Variants in EIF2S1 observed in about 807,000 individuals in gnomAD.
EIF2S1 encodes eukaryotic translation initiation factor 2 subunit 1.
Under a neutral mutation model 33.5 loss-of-function variants are expected in EIF2S1, and 5 were observed. The ratio of observed to expected loss-of-function variants is 0.15; its 90% CI spans 0.08 to 0.31. The LOEUF (loss-of-function observed/expected upper bound fraction) is 0.31. EIF2S1 is among the 10% of genes least tolerant of loss of function. The probability of loss-of-function intolerance (pLI) is 1.00; values close to 1 mark genes in which losing one functional copy is unlikely to be tolerated. For missense variants in EIF2S1, 191 were observed against 384.6 expected, an observed-to-expected ratio of 0.50 and a Z score of 4.21; for synonymous variants, 99 against 127.5, an observed-to-expected ratio of 0.78 and a Z score of 1.51.
At chr14:67,370,256 A>G (rs1333803535) in intron 2 of EIF2S1, among the ~76,000 whole-genome samples, 1 of 152,210 alleles carries the variant, frequency 6.6e-6, no homozygotes, top group Non-Finnish European at 1.5e-5. Context: ...GACATGTCGC[A>G]GTGCTGCAGA....
In EIF2S1 at chr14:67,383,506, CT is replaced by C. The variant is rs771408253; in HGVS notation, c.*68del. The C allele has an allele frequency of 6.3e-7, 1 of 1,595,402 alleles. No homozygotes were observed. Among genetic ancestry groups the C allele is most frequent in the African/African-American group, 1.3e-5 (1 of 74,576 alleles). ...GCGCTTCCTGGCTGTAAATCCTAGA[CT>C]TGAAAGTTTTCCAGTATTGAAAACT... is the stretch of plus-strand genomic sequence containing the variant. On this transcript the variant is annotated 3_prime_UTR_variant, in exon 8 of 8. Transcript: ENST00000256383.
At chr14:67,374,346 G>A (rs1306846213) in intron 2 of EIF2S1, 122 bp from the exon 3 acceptor site, 29 of 523,512 alleles carry the variant, frequency 5.5e-5, no homozygotes, top group Non-Finnish European at 9.5e-5. Context: ...TTTGTTGATA[G>A]GATTTTAGTA....
At chr14:67,381,286 C>A (rs577953419) in intron 5 of EIF2S1, among the ~76,000 whole-genome samples, 1 of 152,268 alleles carries the variant, frequency 6.6e-6, no homozygotes, top group Admixed American at 6.5e-5. Context: ...CAAATTAGCA[C>A]CCTTATATTA....
chr14:67,367,525 CA>C (rs1566610885), intron 2 of EIF2S1, among the ~76,000 whole-genome samples: 2 of 145,858 alleles, frequency 1.4e-5, no homozygotes, highest in Non-Finnish European at 3.0e-5. Flanking sequence ...CACCACGCCC[CA>C]CCCCATCCAG....
intron 6 of EIF2S1, 83 bp from the exon 7 acceptor site, chr14:67,382,364 C>A: frequency 7.8e-7 from 1 of 1,273,938 alleles, no homozygotes. Context: ...GTTAATACAG[C>A]AGATTAATAA....
At chr14:67,368,272 G>A (rs1049438236) in intron 2 of EIF2S1, among the ~76,000 whole-genome samples, 4 of 152,184 alleles carry the variant, frequency 2.6e-5, no homozygotes, top group Non-Finnish European at 5.9e-5. Context: ...AGACTGCCCT[G>A]CTTGTCTAAT....
intron 2 of EIF2S1, among the ~76,000 whole-genome samples, chr14:67,365,723 A>G (rs192729650): frequency 6.6e-6 from 1 of 152,338 alleles, no homozygotes; most frequent in Admixed American, 6.5e-5. Flanking sequence ...GTTTTAGGTC[A>G]TTAGTTACCA....
rs1474966528 is a variant in EIF2S1, at chr14:67,385,021, A to G, written c.*1581A>G. The G allele has an allele frequency of 2.0e-5, 3 of 152,206 alleles. No homozygotes were observed. Among genetic ancestry groups the G allele is most frequent in the East Asian group, 1.9e-4 (1 of 5,198 alleles). The allele number at this position is 152,206 out of a possible 1,614,324, so 9.4% of individuals were successfully genotyped here. On this transcript the variant is annotated 3_prime_UTR_variant, in exon 8 of 8. Transcript: ENST00000256383. The stretch of plus-strand genomic sequence containing the variant: ...TGAAATTTGTTATACTTCAAAAGCC[A>G]TAACTTGAAAAATACTGGTGGCGTC...
At chr14:67,374,397 T>C in intron 2 of EIF2S1, 71 bp from the exon 3 acceptor site, 1 of 807,706 alleles carries the variant, frequency 1.2e-6, no homozygotes, top group Non-Finnish European at 1.9e-6. Context: ...CTTAATTTGG[T>C]CTTCAAAGCT....
At chr14:67,372,799 G>T (rs924393571) in intron 2 of EIF2S1, among the ~76,000 whole-genome samples, 2 of 151,124 alleles carry the variant, frequency 1.3e-5, no homozygotes, top group Admixed American at 6.6e-5. Context: ...CTGCACTCCA[G>T]CCTGGCGACA....
At chr14:67,381,446 C>A (rs66851210) in intron 5 of EIF2S1, 147 bp from the exon 6 acceptor site, 79,284 of 530,146 alleles carry the variant, frequency 0.15, 10,820 homozygotes, top group East Asian at 0.46. Flanking sequence ...CCTTGCCTCC[C>A]TTTTATAAAT....
At chr14:67,376,683 C>A in intron 4 of EIF2S1, 93 bp downstream of exon 4, 1 of 1,359,694 alleles carries the variant, frequency 7.4e-7, no homozygotes, top group Non-Finnish European at 1.0e-6. Context: ...AAATACTTGC[C>A]AAATTTAGAT....
chr14:67,377,511 C>A (rs2085863514), intron 4 of EIF2S1, among the ~76,000 whole-genome samples: 1 of 152,196 alleles, frequency 6.6e-6, no homozygotes, highest in Non-Finnish European at 1.5e-5. Flanking sequence ...AACCATTGCA[C>A]AAGAACTACT....
intron 6 of EIF2S1, 47 bp downstream of exon 6, chr14:67,381,737 C>A: frequency 7.8e-7 from 1 of 1,283,108 alleles, no homozygotes; most frequent in South Asian, 1.3e-5. Context: ...TCACCTAAAC[C>A]AAATAGGATC....
rs778629855 is a variant in EIF2S1 at position 67,364,992 on chromosome 14, G to A, written c.225G>A (p.Arg75=). ...GGAATGAGTGTGTGGTTGTCATTAG[G>A]GTGGACAAAGAAAAAGGTAAGTGAG... ...IGRNECVVVI[R]VDKEKGYIDL... Residue 75 remains arginine (R), a synonymous_variant, in exon 2 of 8, where the codon AGG becomes AGA. Coordinates refer to ENST00000256383, the MANE Select transcript of EIF2S1 (RefSeq NM_004094.5). 2 of 1,602,284 alleles carry A rather than the reference G, an allele frequency of 1.2e-6. No individual in the cohort carries two copies. Among genetic ancestry groups the A allele is most frequent in the Non-Finnish European group, 1.7e-6 (2 of 1,173,584 alleles).
At chr14:67,370,426 G>GT (rs1305531708) in intron 2 of EIF2S1, among the ~76,000 whole-genome samples, 1 of 152,132 alleles carries the variant, frequency 6.6e-6, no homozygotes, top group Non-Finnish European at 1.5e-5. Context: ...TTAAAAACTT[G>GT]TTTTTTGTTT....
chr14:67,379,812 G>A (rs1208236751), intron 4 of EIF2S1, among the ~76,000 whole-genome samples: 1 of 150,030 alleles, frequency 6.7e-6, no homozygotes, highest in African/African-American at 2.5e-5. Context: ...CCGCCACTAC[G>A]CCCGGCTAAT....
intron 4 of EIF2S1, among the ~76,000 whole-genome samples, chr14:67,378,506 T>C (rs1345673452): frequency 6.6e-6 from 1 of 152,184 alleles, no homozygotes; most frequent in African/African-American, 2.4e-5. Flanking sequence ...TAACAAATCA[T>C]AGAGCCAGGC....
chr14:67,375,045 GT>G (rs1010871643), intron 3 of EIF2S1, among the ~76,000 whole-genome samples: 7 of 152,010 alleles, frequency 4.6e-5, no homozygotes, highest in Non-Finnish European at 8.8e-5. Flanking sequence ...ACTAGTTTTG[GT>G]TTTTTTCCCC....
Sources: gnomAD v4.1 joint callset for allele counts (sites outside exome capture counted in the v4.1 genomes callset) on GRCh38, gnomAD v4.1.1 for gene constraint, MANE v1.5 for transcripts, NCBI Gene and HGNC (gene_info 2026-07-23, HGNC 2026-07-21) for gene names.